The following TBC1D4 variants were observed in gnomAD, a reference collection of about 807,000 sequenced individuals.
The protein encoded by TBC1D4 is TBC (Tre-2, BUB2, CDC16) domain-containing protein.
Under a neutral mutation model 142.5 loss-of-function variants are expected in TBC1D4, and 121 were observed. The ratio of observed to expected loss-of-function variants is 0.85; its 90% CI spans 0.73 to 0.99. The LOEUF (loss-of-function observed/expected upper bound fraction) is 0.99. Among genes scored for constraint, TBC1D4 ranks in the 50% least tolerant of loss-of-function variants. TBC1D4 has a pLI of 0.00. For synonymous variants in TBC1D4, 630 were observed against 628.2 expected, an observed-to-expected ratio of 1.00 and a Z score of -0.04; for missense variants, 1,475 against 1,606.6, an observed-to-expected ratio of 0.92 and a Z score of 1.40.
intron 1 of TBC1D4, among the ~76,000 whole-genome samples, chr13:75,405,359 TC>T (rs1267607149): frequency 5.0e-5 from 7 of 138,948 alleles, no homozygotes; most frequent in Non-Finnish European, 3.0e-5. Flanking sequence ...AACCTCCGCC[TC>T]CCGGGTTCAA....
chr13:75,454,699 T>A (rs998069315), intron 1 of TBC1D4, among the ~76,000 whole-genome samples: 1 of 152,174 alleles, frequency 6.6e-6, no homozygotes, highest in Non-Finnish European at 1.5e-5. Context: ...ATTTATGGGG[T>A]GGATTTTGGC....
intron 1 of TBC1D4, among the ~76,000 whole-genome samples, chr13:75,405,110 G>C (rs1566465447): frequency 6.6e-6 from 1 of 152,158 alleles, no homozygotes; most frequent in Non-Finnish European, 1.5e-5. Context: ...GGAGAATACA[G>C]CTCACCAGAT....
intron 1 of TBC1D4, among the ~76,000 whole-genome samples, chr13:75,468,834 A>G (rs927280931): frequency 2.0e-5 from 3 of 152,360 alleles, no homozygotes. Flanking sequence ...CGTTGGAATG[A>G]ACCCATACTA....
intron 1 of TBC1D4, among the ~76,000 whole-genome samples, chr13:75,443,006 T>G (rs988215743): frequency 5.9e-5 from 9 of 152,188 alleles, no homozygotes; most frequent in Admixed American, 5.2e-4. Flanking sequence ...CTGTTTATTT[T>G]ATGAAGTTTA....
intron 5 of TBC1D4, among the ~76,000 whole-genome samples, chr13:75,343,877 G>A (rs1266078709): frequency 2.0e-5 from 3 of 151,320 alleles, no homozygotes; most frequent in African/African-American, 7.3e-5. Context: ...TTTCACTCTC[G>A]TCACCTAGGC....
At chr13:75,455,923 T>C (rs190574317) in intron 1 of TBC1D4, among the ~76,000 whole-genome samples, 1 of 152,022 alleles carries the variant, frequency 6.6e-6, no homozygotes, top group African/African-American at 2.4e-5. Flanking sequence ...ACTGCCTAAC[T>C]CAAGAAGCAA....
intron 1 of TBC1D4, among the ~76,000 whole-genome samples, chr13:75,370,612 T>C (rs998321892): frequency 1.3e-5 from 2 of 152,132 alleles, no homozygotes; most frequent in African/African-American, 4.8e-5. Flanking sequence ...CATCACGGTT[T>C]AGGGCCACAG....
At chr13:75,372,741 T>C (rs1300907906) in intron 1 of TBC1D4, among the ~76,000 whole-genome samples, 1 of 152,202 alleles carries the variant, frequency 6.6e-6, no homozygotes, top group Non-Finnish European at 1.5e-5. Context: ...TTATTACTAC[T>C]GCTCTCATCT....
chr13:75,389,287 A>G (rs992692978), intron 1 of TBC1D4, among the ~76,000 whole-genome samples: 2 of 152,232 alleles, frequency 1.3e-5, no homozygotes, highest in Admixed American at 1.3e-4. Flanking sequence ...CATATTAATG[A>G]GCTAACCTGT....
At chr13:75,366,330 G>C (rs895323848) in intron 1 of TBC1D4, among the ~76,000 whole-genome samples, 17 of 152,158 alleles carry the variant, frequency 1.1e-4, no homozygotes, top group Admixed American at 9.8e-4. Flanking sequence ...ACTTCCTCAA[G>C]AGCAAAGTGA....
At chr13:75,411,401 T>C (rs1885653381) in intron 1 of TBC1D4, among the ~76,000 whole-genome samples, 1 of 152,190 alleles carries the variant, frequency 6.6e-6, no homozygotes, top group African/African-American at 2.4e-5. Context: ...GTAAAGGACA[T>C]TTCCTAAAAT....
At chr13:75,422,239 C>T (rs1886201336) in intron 1 of TBC1D4, among the ~76,000 whole-genome samples, 1 of 150,906 alleles carries the variant, frequency 6.6e-6, no homozygotes, top group African/African-American at 2.4e-5. Flanking sequence ...TCATTTTGAC[C>T]AGAAAAATAC....
At chr13:75,351,252 G>A (rs1881561672) in intron 4 of TBC1D4, among the ~76,000 whole-genome samples, 1 of 152,082 alleles carries the variant, frequency 6.6e-6, no homozygotes, top group Non-Finnish European at 1.5e-5. Flanking sequence ...ATATTTTATA[G>A]CATTTGAGAA....
chr13:75,342,025 C>T (rs1012101994), intron 5 of TBC1D4, among the ~76,000 whole-genome samples: 1 of 152,138 alleles, frequency 6.6e-6, no homozygotes, highest in African/African-American at 2.4e-5. Flanking sequence ...CTTTTACACC[C>T]TGTCTCTACT....
At chr13:75,434,491 G>C (rs1456266258) in intron 1 of TBC1D4, among the ~76,000 whole-genome samples, 1 of 152,052 alleles carries the variant, frequency 6.6e-6, no homozygotes, top group Non-Finnish European at 1.5e-5. Context: ...GAAACTACTT[G>C]AGGGTGGAGG....
At chr13:75,325,070 T>G (rs542645709) in intron 10 of TBC1D4, among the ~76,000 whole-genome samples, 11 of 152,294 alleles carry the variant, frequency 7.2e-5, no homozygotes, top group African/African-American at 2.4e-4. Context: ...GAGGGAAGGA[T>G]TGAGATATTT....
chr13:75,326,460 C>G, intron 9 of TBC1D4, 37 bp from the exon 10 acceptor site: 2 of 1,608,854 alleles, frequency 1.2e-6, no homozygotes, highest in South Asian at 2.2e-5. Context: ...TTATTTCCCA[C>G]GTGGGTCATG....
chr13:75,409,907 A>G (rs1407093453), intron 1 of TBC1D4, among the ~76,000 whole-genome samples: 2 of 152,206 alleles, frequency 1.3e-5, no homozygotes, highest in African/African-American at 4.8e-5. Flanking sequence ...GGAGGAAATG[A>G]ATTCGAATCC....
At chr13:75,318,458 G>A (rs1265953601) in intron 12 of TBC1D4, among the ~76,000 whole-genome samples, 1 of 152,188 alleles carries the variant, frequency 6.6e-6, no homozygotes, top group Non-Finnish European at 1.5e-5. Context: ...AACTTCATTA[G>A]TGTGATAGCA....
Sources: gnomAD v4.1 joint callset for allele counts (sites outside exome capture counted in the v4.1 genomes callset) on GRCh38, gnomAD v4.1.1 for gene constraint, MANE v1.5 for transcripts, NCBI Gene and HGNC (gene_info 2026-07-23, HGNC 2026-07-21) for gene names.